Variants in INSL6 observed in about 807,000 individuals in gnomAD.
INSL6 encodes the protein insulin like 6.
INSL6 carries 16 observed loss-of-function variants against 9.4 expected under a neutral mutation model. The ratio of observed to expected loss-of-function variants is 1.70; its 90% CI spans 1.15 to 2.59. The LOEUF (loss-of-function observed/expected upper bound fraction) is 2.59. Ranked by LOEUF, INSL6 falls within the 30% of genes most tolerant of loss-of-function variation. The probability of loss-of-function intolerance (pLI) is 0.00; values close to 1 mark genes in which losing one functional copy is unlikely to be tolerated. For synonymous variants in INSL6, 154 were observed against 96.9 expected, an observed-to-expected ratio of 1.59 and a Z score of -3.46; for missense variants, 391 against 257.3, an observed-to-expected ratio of 1.52 and a Z score of -3.56.
At chr9:5,161,150 C>A (rs1482854236), downstream of INSL6, among the ~76,000 whole-genome samples, 2 of 152,116 alleles carry the variant, frequency 1.3e-5, no homozygotes, top group African/African-American at 4.8e-5. Flanking sequence ...AACTACAGGC[C>A]ATTATCTTTG....
the INSL6 span, among the ~76,000 whole-genome samples, chr9:5,102,693 T>C: frequency 2.9e-3 from 445 of 152,306 alleles, 2 homozygotes; most frequent in African/African-American, 0.01. Flanking sequence ...ACAGCGGATC[T>C]CTCAGCAGAA....
chr9:5,115,659 C>T, the INSL6 span, among the ~76,000 whole-genome samples: 4 of 152,196 alleles, frequency 2.6e-5, no homozygotes, highest in Non-Finnish European at 5.9e-5. Context: ...TTGGAACCAA[C>T]CCAAATGCCC....
the INSL6 span, among the ~76,000 whole-genome samples, chr9:4,997,223 G>A: frequency 4.6e-5 from 7 of 151,988 alleles, no homozygotes; most frequent in Non-Finnish European, 7.4e-5. Context: ...TGGAGCCACC[G>A]CGCATGGCCT....
At chr9:5,143,093 G>A (rs931800685) in intron 2 of INSL6, among the ~76,000 whole-genome samples, 2 of 152,090 alleles carry the variant, frequency 1.3e-5, no homozygotes, top group Admixed American at 1.3e-4. Flanking sequence ...GATTCCGTTT[G>A]CCAGTATTTT....
intron 2 of INSL6, among the ~76,000 whole-genome samples, chr9:5,158,043 G>T (rs975578861): frequency 6.6e-6 from 1 of 152,146 alleles, no homozygotes; most frequent in African/African-American, 2.4e-5. Flanking sequence ...GTAGAAAAAT[G>T]CAGTTGACAT....
chr9:5,099,835 C>G, the INSL6 span: 6 of 152,188 alleles, frequency 3.9e-5, no homozygotes, highest in African/African-American at 1.4e-4. Context: ...TTCATTTACA[C>G]CAACTATCCA....
the INSL6 span, chr9:5,022,166 G>C: frequency 1.2e-6 from 2 of 1,614,116 alleles, no homozygotes; most frequent in African/African-American, 2.7e-5. Flanking sequence ...TTTCCATCTG[G>C]GGAGTATGTT....
At chr9:5,110,945 A>G in the INSL6 span, 4 of 587,590 alleles carry the variant, frequency 6.8e-6, no homozygotes, top group Non-Finnish European at 1.3e-5. Flanking sequence ...GCATCCGTGG[A>G]CACGGACAAG....
the INSL6 span, chr9:5,080,313 T>C: frequency 6.2e-7 from 1 of 1,613,808 alleles, no homozygotes. Flanking sequence ...AAATGGAGTT[T>C]TGGTACCACT....
At chr9:5,173,945 T>C (rs1003724236) in intron 1 of INSL6, among the ~76,000 whole-genome samples, 1 of 152,142 alleles carries the variant, frequency 6.6e-6, no homozygotes, top group Non-Finnish European at 1.5e-5. Flanking sequence ...AGAACTTGCA[T>C]CGACTCCCTT....
the INSL6 span, chr9:5,091,087 G>C: frequency 2.0e-6 from 1 of 488,402 alleles, no homozygotes. Context: ...TAGTCCACGT[G>C]GGAAAATGGC....
downstream of INSL6, among the ~76,000 whole-genome samples, chr9:5,123,543 G>T (rs1444255594): frequency 6.6e-6 from 1 of 151,788 alleles, no homozygotes; most frequent in Non-Finnish European, 1.5e-5. Flanking sequence ...TCTTTATCCA[G>T]TCATCCACTG....
chr9:5,083,741 A>G, the INSL6 span, among the ~76,000 whole-genome samples: 6 of 151,620 alleles, frequency 4.0e-5, no homozygotes, highest in South Asian at 1.2e-3. Flanking sequence ...TTAGATTAAC[A>G]AAAGGGAAAC....
chr9:5,104,029 A>C, the INSL6 span, among the ~76,000 whole-genome samples: 7 of 152,140 alleles, frequency 4.6e-5, no homozygotes, highest in Admixed American at 1.3e-4. Flanking sequence ...AGAGCAAACA[A>C]ATTCAAAAGC....
the INSL6 span, among the ~76,000 whole-genome samples, chr9:5,036,565 A>T: frequency 6.6e-6 from 1 of 152,222 alleles, no homozygotes; most frequent in African/African-American, 2.4e-5. Context: ...CTACCTATCT[A>T]CAACCATCTG....
At chr9:5,164,982 C>T (rs1461797786) in intron 1 of INSL6, among the ~76,000 whole-genome samples, 4 of 152,130 alleles carry the variant, frequency 2.6e-5, no homozygotes, top group Non-Finnish European at 2.9e-5. Context: ...CCGAGGCGGG[C>T]GGATCACTTG....
the INSL6 span, among the ~76,000 whole-genome samples, chr9:5,035,851 A>G: frequency 1.3e-5 from 2 of 152,188 alleles, no homozygotes; most frequent in Non-Finnish European, 2.9e-5. Context: ...CACCACTCCT[A>G]TTCAACATAG....
At chr9:5,076,009 G>C in the INSL6 span, among the ~76,000 whole-genome samples, 1 of 152,150 alleles carries the variant, frequency 6.6e-6, no homozygotes, top group Non-Finnish European at 1.5e-5. Context: ...TTTAATGAAG[G>C]AAGTCACTGC....
the INSL6 span, chr9:5,069,936 C>T: frequency 6.3e-7 from 1 of 1,595,790 alleles, no homozygotes; most frequent in South Asian, 1.1e-5. Flanking sequence ...TAAATCAAAC[C>T]TTCTAGTCTT....
Sources: gnomAD v4.1 joint callset for allele counts (sites outside exome capture counted in the v4.1 genomes callset) on GRCh38, gnomAD v4.1.1 for gene constraint, MANE v1.5 for transcripts, NCBI Gene and HGNC (gene_info 2026-07-23, HGNC 2026-07-21) for gene names.